Variants in DERA observed in about 807,000 individuals in gnomAD.
The protein encoded by DERA is 2-deoxy-D-ribose 5-phosphate aldolase.
DERA carries 15 observed loss-of-function variants against 41.1 expected under a neutral mutation model. The ratio of observed to expected loss-of-function variants is 0.37; its 90% CI spans 0.24 to 0.56. The LOEUF is 0.56. DERA is among the 20% of genes least tolerant of loss of function. The probability of loss-of-function intolerance (pLI) is 0.81; values close to 1 mark genes in which losing one functional copy is unlikely to be tolerated. For missense variants in DERA, 396 were observed against 403.4 expected (o/e 0.98, Z 0.16); for synonymous variants, 139 against 137.4 (o/e 1.01, Z -0.08).
At chr12:15,968,544 G>T (rs528786982) in intron 5 of DERA, among the ~76,000 whole-genome samples, 1 of 152,338 alleles carries the variant, frequency 6.6e-6, no homozygotes, top group Non-Finnish European at 1.5e-5. Context: ...GGTAAGAAGG[G>T]AGGACAGTAC....
chr12:15,947,282 G>C (rs1001858482), intron 1 of DERA, among the ~76,000 whole-genome samples: 3 of 152,150 alleles, frequency 2.0e-5, no homozygotes, highest in Non-Finnish European at 2.9e-5. Flanking sequence ...CTGTCTCGTT[G>C]ATCTGTCTAA....
At position 15,990,139 on chromosome 12, in the gene DERA, C is replaced by CT. The variant is rs1156388628; in HGVS notation, c.637+7712dup. Among the ~76,000 whole-genome samples the CT allele has an allele frequency of 5.3e-5, 8 of 151,704 alleles. No individual in the cohort carries two copies. Among genetic ancestry groups the CT allele is most frequent in the Non-Finnish European group, 1.0e-4 (7 of 67,832 alleles). ...AATAAGAAAGGAAACATAATGAAATCTTTTTTTTTCTATACTCTTTCAAGG... is the reference window on the plus strand; with the variant it reads ...AATAAGAAAGGAAACATAATGAAATCTTTTTTTTTTCTATACTCTTTCAAGG... On this transcript the variant is annotated intron_variant, in intron 6 of 8. Transcript: ENST00000428559. This position sits in a 1 kb window ranked among gnomAD's most constrained non-coding sequence, Gnocchi z 4.3.
rs1948851672 is a variant in DERA at position 15,998,174 on chromosome 12, A to C, written c.637+15738A>C. On this transcript the variant is annotated intron_variant, in intron 6 of 8. Coordinates refer to ENST00000428559, the MANE Select transcript of DERA (RefSeq NM_015954.4). The surrounding 1 kb of genome is among the most constrained non-coding windows in gnomAD (Gnocchi z 4.8). Reference sequence around the variant, plus strand: ...ACCAGAGATTGTGATTTCAGGGGTCATGAACGGAGCCAAGGAAATTCATAC... The same window carrying C: ...ACCAGAGATTGTGATTTCAGGGGTCCTGAACGGAGCCAAGGAAATTCATAC... Among the ~76,000 whole-genome samples the C allele has an allele frequency of 6.6e-6, 1 of 152,216 alleles. No individual in the cohort carries two copies. The highest frequency in any genetic ancestry group is 2.4e-5 in the African/African-American group (1 of 41,460).
rs1249922117 is a variant in DERA at position 16,001,173 on chromosome 12, TG to T, written c.637+18740del. Among the ~76,000 whole-genome samples, 2 of 152,192 alleles carry T rather than the reference TG, an allele frequency of 1.3e-5. No homozygotes were observed. Among genetic ancestry groups the T allele is most frequent in the African/African-American group, 2.4e-5 (1 of 41,452 alleles). ...TAAAATTCGGGCTCCCATTAGAGGA[TG>T]GGTCAGTAGGTGCAGCAAACCACCA... On this transcript the variant is annotated intron_variant, in intron 6 of 8. Coordinates refer to ENST00000428559, the MANE Select transcript of DERA (RefSeq NM_015954.4). The surrounding 1 kb of genome is among the most constrained non-coding windows in gnomAD (Gnocchi z 4.1).
rs942700043 is a variant in DERA at position 16,012,332 on chromosome 12, C to T, written c.638-20210C>T. Among the ~76,000 whole-genome samples, 1 of 152,184 alleles carries T rather than the reference C, an allele frequency of 6.6e-6. No homozygotes were observed. Among genetic ancestry groups the T allele is most frequent in the African/African-American group, 2.4e-5 (1 of 41,450 alleles). ...AGGGGCCAGCCAGCTGGGCAGTTTC[C>T]CAGTGTGCTAATCTCTAAGAGACAT... On this transcript the variant is annotated intron_variant, in intron 6 of 8. Coordinates refer to ENST00000428559, the MANE Select transcript of DERA (RefSeq NM_015954.4). The surrounding 1 kb of genome is among the most constrained non-coding windows in gnomAD (Gnocchi z 4.1).
rs1368973320 is a variant in DERA, at chr12:15,928,575, A to G, written c.31+17161A>G. ...CATTGAGCCAGCTGATGGCAAGGAC[A>G]GCCCTTATGAAGTAGGGGAGATTTT... is the stretch of plus-strand genomic sequence containing the variant. On this transcript the variant is annotated intron_variant, in intron 1 of 8. Transcript: ENST00000428559. The surrounding 1 kb of genome is among the most constrained non-coding windows in gnomAD (Gnocchi z 4.6). Among the ~76,000 whole-genome samples the G allele has an allele frequency of 6.6e-6, 1 of 152,222 alleles. No homozygotes were observed. The highest frequency in any genetic ancestry group is 1.5e-5 in the Non-Finnish European group (1 of 68,040).
chr12:15,950,530 T>G (rs1948489492), intron 1 of DERA, among the ~76,000 whole-genome samples: 1 of 152,338 alleles, frequency 6.6e-6, no homozygotes, highest in African/African-American at 2.4e-5. Context: ...TTAGAATGCC[T>G]TAACCATCTG....
In DERA at chr12:15,988,500, C is replaced by T. The variant is rs59065128; in HGVS notation, c.637+6064C>T. Among the ~76,000 whole-genome samples, 9,824 of 152,188 alleles carry T rather than the reference C, an allele frequency of 0.065. 1,019 individuals carry two copies. The highest frequency in any genetic ancestry group is 0.22 in the African/African-American group (9,041 of 41,470). On this transcript the variant is annotated intron_variant, in intron 6 of 8. Transcript: ENST00000428559. This position sits in a 1 kb window ranked among gnomAD's most constrained non-coding sequence, Gnocchi z 6.0. ...GCTCCTTTTTGCAGGCAGGTCGTCC[C>T]TGTGAGTGTGTGAGTCTGACTGAGT...
chr12:15,941,253 T>C lies in DERA; in HGVS notation c.32-15683T>C, dbSNP rs1161934909. On this transcript the variant is annotated intron_variant, in intron 1 of 8. Transcript: ENST00000428559. The surrounding 1 kb of genome is among the most constrained non-coding windows in gnomAD (Gnocchi z 4.5). ...TTGTGTGTTTGTGTCTCTTGCATGA[T>C]TGAGCTCAGGCCGGGGCTCAACTAG... 1.3e-5 allele frequency among the ~76,000 whole-genome samples: 2 copies of C among 152,162 alleles called. No homozygotes were observed. Among genetic ancestry groups the C allele is most frequent in the Admixed American group, 6.5e-5 (1 of 15,270 alleles).
In DERA at chr12:15,959,993, T is replaced by C; in HGVS notation, c.373+69T>C. 8.7e-7 allele frequency: 1 copy of C among 1,148,770 alleles called. No individual in the cohort carries two copies. 71.2% of individuals were successfully genotyped at this position (1,148,770 alleles called of 1,614,324 possible). A position where few individuals can be genotyped will look rare whatever the true frequency, so the allele number is the denominator to read the frequency against. ...TCCAGTTCTTCATACAATGGGGTAT[T>C]ATATGTAGGTTTGTACTATGATTTA... On this transcript the variant is annotated intron_variant, in intron 4 of 8. Coordinates refer to ENST00000428559, the MANE Select transcript of DERA (RefSeq NM_015954.4). The surrounding 1 kb of genome is among the most constrained non-coding windows in gnomAD (Gnocchi z 4.5).
Position 15,983,408 on chromosome 12 carries a change from C to T in DERA, c.637+972C>T, listed in dbSNP as rs538768950. 6.6e-6 allele frequency among the ~76,000 whole-genome samples: 1 copy of T among 152,312 alleles called. No individual in the cohort carries two copies. Among genetic ancestry groups the T allele is most frequent in the East Asian group, 1.9e-4 (1 of 5,188 alleles). On this transcript the variant is annotated intron_variant, in intron 6 of 8. Coordinates refer to ENST00000428559, the MANE Select transcript of DERA (RefSeq NM_015954.4). This position sits in a 1 kb window ranked among gnomAD's most constrained non-coding sequence, Gnocchi z 6.2. ...CTTCTCTGCAGATGGTGCCATCCAA[C>T]CTTTTGAGTCTTTGTACGTTCTGTG...
chr12:16,033,925 C>G (rs1000783338), intron 7 of DERA, among the ~76,000 whole-genome samples: 1 of 152,130 alleles, frequency 6.6e-6, no homozygotes, highest in Non-Finnish European at 1.5e-5. Flanking sequence ...TAACCTCTAC[C>G]TGGTATCCTT....
Position 15,915,814 on chromosome 12 carries a change from G to C in DERA, c.31+4400G>C, listed in dbSNP as rs1282635517. 1.3e-5 allele frequency among the ~76,000 whole-genome samples: 2 copies of C among 152,168 alleles called. No individual in the cohort carries two copies. Among genetic ancestry groups the C allele is most frequent in the South Asian group, 4.1e-4 (2 of 4,836 alleles). ...CCTGTGAGGGAGATAGCATGATCCA[G>C]GTTTACACACGAGCAAACTGAGGTA... On this transcript the variant is annotated intron_variant, in intron 1 of 8. Transcript: ENST00000428559. This position sits in a 1 kb window ranked among gnomAD's most constrained non-coding sequence, Gnocchi z 4.8.
intron 6 of DERA, among the ~76,000 whole-genome samples, chr12:16,016,749 ACCACTGCACT>A (rs1414381943): frequency 7.9e-6 from 1 of 125,966 alleles, no homozygotes; most frequent in East Asian, 2.6e-4. Context: ...CCATGATTGC[ACCACTGCACT>A]CCAGCCTGGG....
chr12:15,937,082 A>G (rs1421255798), intron 1 of DERA, among the ~76,000 whole-genome samples: 1 of 152,056 alleles, frequency 6.6e-6, no homozygotes, highest in African/African-American at 2.4e-5. Context: ...AGCCTCCTGT[A>G]TAGCTGGGAC....
In DERA at chr12:15,936,959, C is replaced by CCTGTCTTGTCCTGTCCCGT. The variant is rs1565588788; in HGVS notation, c.32-19976_32-19975insTGTCTTGTCCTGTCCCGTC. 7.2e-6 allele frequency among the ~76,000 whole-genome samples: 1 copy of CCTGTCTTGTCCTGTCCCGT among 139,772 alleles called. No individual in the cohort carries two copies. The highest frequency in any genetic ancestry group is 3.0e-5 in the African/African-American group (1 of 33,454). 91.7% of individuals were successfully genotyped at this position (139,772 alleles called of 152,430 possible). On this transcript the variant is annotated intron_variant, in intron 1 of 8. Transcript: ENST00000428559. This position sits in a 1 kb window ranked among gnomAD's most constrained non-coding sequence, Gnocchi z 4.6. ...TCTTGTCCTGTCCCGTCCTGTCCTG[C>CCTGTCTTGTCCTGTCCCGT]CCTGCCCTGCCCTGTCTTGTCTTTC... is the stretch of plus-strand genomic sequence containing the variant.
rs534790475 is a variant in DERA at position 15,959,096 on chromosome 12, G to C, written c.278-733G>C. 6.6e-6 allele frequency among the ~76,000 whole-genome samples: 1 copy of C among 151,576 alleles called. No individual in the cohort carries two copies. The highest frequency in any genetic ancestry group is 2.1e-4 in the South Asian group (1 of 4,686). The stretch of plus-strand genomic sequence containing the variant: ...GAGACGTTGAATTGGCCCAATGCAG[G>C]TCTTTTATCCCAAATAAACACGTTT... On this transcript the variant is annotated intron_variant, in intron 3 of 8. Transcript: ENST00000428559. This position sits in a 1 kb window ranked among gnomAD's most constrained non-coding sequence, Gnocchi z 4.5.
chr12:15,958,120 C>G (rs988073066), intron 2 of DERA, 68 bp from the exon 3 acceptor site: 2 of 1,356,510 alleles, frequency 1.5e-6, no homozygotes, highest in Non-Finnish European at 2.0e-6. Flanking sequence ...TACTAACCAC[C>G]TGGGTTGGAG....
In DERA at chr12:16,035,581, C is replaced by T. The variant is rs1949121669; in HGVS notation, c.751-651C>T. Among the ~76,000 whole-genome samples, 1 of 152,190 alleles carries T rather than the reference C, an allele frequency of 6.6e-6. No individual in the cohort carries two copies. Among genetic ancestry groups the T allele is most frequent in the Non-Finnish European group, 1.5e-5 (1 of 68,030 alleles). On this transcript the variant is annotated intron_variant, in intron 7 of 8. Coordinates refer to ENST00000428559, the MANE Select transcript of DERA (RefSeq NM_015954.4). This position sits in a 1 kb window ranked among gnomAD's most constrained non-coding sequence, Gnocchi z 4.1. ...GTGTTATGATCAACCTTAAAGACTA[C>T]TGGACTATGAGGAGCCCCTCACGGT... is the stretch of plus-strand genomic sequence containing the variant.
Sources: allele counts gnomAD v4.1 joint callset (sites outside exome capture counted in the v4.1 genomes callset), GRCh38; gene constraint gnomAD v4.1.1; non-coding constraint Gnocchi (gnomAD v3.1); transcripts MANE v1.5; gene names NCBI Gene and HGNC (gene_info 2026-07-23, HGNC 2026-07-21).